OPCML: variants seen among roughly 807,000 people sequenced by gnomAD.
OPCML encodes opioid binding protein/cell adhesion molecule like, also known as opioid-binding protein/cell adhesion molecule.
A neutral mutation model predicts 37.8 loss-of-function variants in OPCML; 13 were observed. That is an observed-to-expected ratio of 0.34 (90% CI 0.22 to 0.55). OPCML has a LOEUF of 0.55. Ranked by LOEUF, OPCML falls within the 20% of genes least tolerant of loss-of-function variation. The pLI, the probability that OPCML is intolerant of heterozygous loss-of-function variation, is 0.91. For missense variants in OPCML, 341 were observed against 435.6 expected, an observed-to-expected ratio of 0.78 and a Z score of 1.93; for synonymous variants, 176 against 168.8, an observed-to-expected ratio of 1.04 and a Z score of -0.33.
chr11:132,619,823 A>G (rs886360621), intron 3 of OPCML, among the ~76,000 whole-genome samples: 8 of 144,758 alleles, frequency 5.5e-5, no homozygotes, highest in Middle Eastern at 3.5e-3. Context: ...CTGCACTCCA[A>G]TCTGGGTGAC....
intron 1 of OPCML, among the ~76,000 whole-genome samples, chr11:132,998,627 T>C (rs974560818): frequency 4.6e-5 from 7 of 152,200 alleles, no homozygotes; most frequent in Non-Finnish European, 8.8e-5. Flanking sequence ...CTCTGAATGT[T>C]TGTGACCCTC....
At chr11:132,780,367 T>C (rs1398582562) in intron 2 of OPCML, among the ~76,000 whole-genome samples, 1 of 152,182 alleles carries the variant, frequency 6.6e-6, no homozygotes, top group Non-Finnish European at 1.5e-5. Context: ...AGCAGCTTTT[T>C]TGATGGGACA....
At chr11:133,251,598 G>C (rs1941137984) in intron 1 of OPCML, among the ~76,000 whole-genome samples, 1 of 151,786 alleles carries the variant, frequency 6.6e-6, no homozygotes. Flanking sequence ...GGGGACACGG[G>C]GTACAGACCT....
chr11:132,895,126 C>T (rs1201542330), intron 2 of OPCML, among the ~76,000 whole-genome samples: 5 of 152,172 alleles, frequency 3.3e-5, no homozygotes, highest in Non-Finnish European at 1.5e-5. Flanking sequence ...ATGCCAAAGA[C>T]TCTACTTCTA....
At chr11:133,182,218 T>C (rs979563419) in intron 1 of OPCML, among the ~76,000 whole-genome samples, 1 of 152,212 alleles carries the variant, frequency 6.6e-6, no homozygotes, top group African/African-American at 2.4e-5. Flanking sequence ...CTTTGCAAGA[T>C]GTTAACCTTC....
chr11:132,886,772 G>A (rs1198721350), intron 2 of OPCML, among the ~76,000 whole-genome samples: 2 of 152,208 alleles, frequency 1.3e-5, no homozygotes, highest in Non-Finnish European at 2.9e-5. Flanking sequence ...AGATGTCCCT[G>A]CAGCATCTTT....
chr11:133,023,336 G>A (rs1000953507), intron 1 of OPCML, among the ~76,000 whole-genome samples: 4 of 152,298 alleles, frequency 2.6e-5, no homozygotes, highest in South Asian at 4.2e-4. Flanking sequence ...TTTTGCCTGC[G>A]GGTTGTGTGA....
At chr11:132,531,232 G>A (rs1418283196) in intron 3 of OPCML, among the ~76,000 whole-genome samples, 1 of 152,160 alleles carries the variant, frequency 6.6e-6, no homozygotes, top group Non-Finnish European at 1.5e-5. Context: ...CAAAACTAAG[G>A]GAGGTAAAGC....
chr11:132,766,811 A>G (rs1194749384), intron 2 of OPCML, among the ~76,000 whole-genome samples: 1 of 152,236 alleles, frequency 6.6e-6, no homozygotes, highest in Non-Finnish European at 1.5e-5. Flanking sequence ...GAAGAAAAAT[A>G]AAAGATATTA....
intron 2 of OPCML, among the ~76,000 whole-genome samples, chr11:132,774,963 A>G (rs1946764957): frequency 6.6e-6 from 1 of 152,222 alleles, no homozygotes; most frequent in Non-Finnish European, 1.5e-5. Context: ...TCCCCCATTC[A>G]GTCCCACCAA....
At chr11:132,769,291 G>A (rs892144769) in intron 2 of OPCML, among the ~76,000 whole-genome samples, 1 of 150,698 alleles carries the variant, frequency 6.6e-6, no homozygotes, top group East Asian at 1.9e-4. Flanking sequence ...AGGCTGGAGT[G>A]CAGTGGTGCG....
At chr11:133,344,656 A>G (rs1343996728) in intron 1 of OPCML, among the ~76,000 whole-genome samples, 1 of 152,038 alleles carries the variant, frequency 6.6e-6, no homozygotes, top group Non-Finnish European at 1.5e-5. Context: ...AGAACCCCCC[A>G]CACTTCTATC....
intron 2 of OPCML, among the ~76,000 whole-genome samples, chr11:132,851,628 T>C (rs1941812768): frequency 6.6e-6 from 1 of 152,230 alleles, no homozygotes; most frequent in Non-Finnish European, 1.5e-5. Flanking sequence ...AAGAATATAA[T>C]TGGCAATAAA....
At chr11:133,060,845 G>A (rs918462327) in intron 1 of OPCML, among the ~76,000 whole-genome samples, 3 of 152,236 alleles carry the variant, frequency 2.0e-5, no homozygotes, top group African/African-American at 2.4e-5. Context: ...CAAACCCTAC[G>A]TGGGCATCAG....
Position 133,208,353 on chromosome 11 carries a change from G to A in OPCML, c.62-265343C>T, listed in dbSNP as rs146382176. On this transcript the variant is annotated intron_variant, in intron 1 of 7. Coordinates refer to ENST00000524381, the MANE Select transcript of OPCML (RefSeq NM_001012393.5). The surrounding 1 kb of genome is among the most constrained non-coding windows in gnomAD (Gnocchi z 8.9). ...TTCTACTACATTCAGTATCATTGTC[G>A]AGGGGCAGCTGGGGCATGGTAGAAA... Among the ~76,000 whole-genome samples the A allele has an allele frequency of 9.2e-5, 14 of 152,306 alleles. No homozygotes were observed. The highest frequency in any genetic ancestry group is 2.0e-4 in the Admixed American group (3 of 15,306).
intron 4 of OPCML, among the ~76,000 whole-genome samples, chr11:132,467,272 T>C (rs1180625686): frequency 6.6e-6 from 1 of 152,184 alleles, no homozygotes; most frequent in East Asian, 1.9e-4. Context: ...CTCCCTTCAG[T>C]GGGATTACAA....
chr11:133,231,425 A>T (rs1940270394), intron 1 of OPCML, among the ~76,000 whole-genome samples: 1 of 152,176 alleles, frequency 6.6e-6, no homozygotes, highest in South Asian at 2.1e-4. Context: ...AGCACAGGGC[A>T]GTCTGCACCC....
intron 1 of OPCML, among the ~76,000 whole-genome samples, chr11:132,973,919 G>A (rs183407924): frequency 6.6e-6 from 1 of 152,044 alleles, no homozygotes; most frequent in Non-Finnish European, 1.5e-5. Flanking sequence ...GAGTGGATCT[G>A]GCCTAGCCTA....
chr11:133,210,509 T>C (rs1939308985), intron 1 of OPCML, among the ~76,000 whole-genome samples: 1 of 152,180 alleles, frequency 6.6e-6, no homozygotes, highest in Admixed American at 6.5e-5. Flanking sequence ...CAAAAACTTA[T>C]ATGTATCATG....
Sources: gnomAD v4.1 joint callset for allele counts (sites outside exome capture counted in the v4.1 genomes callset) on GRCh38, gnomAD v4.1.1 for gene constraint, Gnocchi (gnomAD v3.1) non-coding constraint, MANE v1.5 for transcripts, NCBI Gene and HGNC (gene_info 2026-07-23, HGNC 2026-07-21) for gene names.